OR14A2: variants seen among roughly 807,000 people sequenced by gnomAD.
OR14A2 encodes olfactory receptor family 14 subfamily A member 2.
For missense variants in OR14A2, 237 were observed against 152.9 expected, an observed-to-expected ratio of 1.55 and a Z score of -2.90; for synonymous variants, 114 against 58.6, an observed-to-expected ratio of 1.95 and a Z score of -4.32.
At chr1:247,746,047 C>T in the OR14A2 span, among the ~76,000 whole-genome samples, 1 of 152,140 alleles carries the variant, frequency 6.6e-6, no homozygotes, top group African/African-American at 2.4e-5. Flanking sequence ...ATGGTTCTTG[C>T]CCTGTCTGGA....
At chr1:247,741,733 AT>A in the OR14A2 span, among the ~76,000 whole-genome samples, 386 of 152,314 alleles carry the variant, frequency 2.5e-3, 2 homozygotes, top group African/African-American at 9.0e-3. Context: ...ATTGTCTTGA[AT>A]CTATTGGTCA....
chr1:247,742,584 A>G, the OR14A2 span, among the ~76,000 whole-genome samples: 6 of 152,248 alleles, frequency 3.9e-5, no homozygotes, highest in Non-Finnish European at 8.8e-5. Context: ...CAAATGTCTA[A>G]TACTAGCCAC....
chr1:247,725,389 G>A (rs1220015300), upstream of OR14A2, among the ~76,000 whole-genome samples: 1 of 152,006 alleles, frequency 6.6e-6, no homozygotes, highest in Non-Finnish European at 1.5e-5. Flanking sequence ...TACTTCAATG[G>A]TCAGTCTGGA....
the OR14A2 span, among the ~76,000 whole-genome samples, chr1:247,743,135 T>C: frequency 1.3e-5 from 2 of 152,200 alleles, no homozygotes; most frequent in African/African-American, 4.8e-5. Flanking sequence ...AAATACAAAT[T>C]ATTTCCAGTG....
chr1:247,726,685 A>C (rs1349121073), upstream of OR14A2, among the ~76,000 whole-genome samples: 3 of 148,238 alleles, frequency 2.0e-5, no homozygotes, highest in Non-Finnish European at 4.4e-5. Flanking sequence ...TTAGGTCTTT[A>C]ATCCATCTTG....
At chr1:247,727,009 G>A (rs1173754149), upstream of OR14A2, among the ~76,000 whole-genome samples, 2 of 150,350 alleles carry the variant, frequency 1.3e-5, no homozygotes, top group South Asian at 2.1e-4. Flanking sequence ...TTGCCTTGGC[G>A]ATGCGGGCTC....
At chr1:247,724,277 A>C (rs1329443529), upstream of OR14A2, among the ~76,000 whole-genome samples, 1 of 152,056 alleles carries the variant, frequency 6.6e-6, no homozygotes, top group Non-Finnish European at 1.5e-5. Context: ...ATTAGACTTT[A>C]TGAGTTTTAC....
exon 1 of OR14A2, chr1:247,723,111 A>G: frequency 2.8e-6 from 2 of 713,192 alleles, no homozygotes; most frequent in Non-Finnish European, 5.2e-6. Context: ...AAATGAAGTA[A>G]GCCTCCTGAC....
At chr1:247,738,854 C>T in the OR14A2 span, 1 of 780,770 alleles carries the variant, frequency 1.3e-6, no homozygotes, top group South Asian at 1.3e-5. Context: ...CCAAATCCAT[C>T]CTCAACTCTG....
At chr1:247,740,071 A>T in the OR14A2 span, among the ~76,000 whole-genome samples, 1 of 152,194 alleles carries the variant, frequency 6.6e-6, no homozygotes, top group South Asian at 2.1e-4. Context: ...AAGTTTTCCT[A>T]TGACAACTTC....
At chr1:247,741,839 A>G in the OR14A2 span, among the ~76,000 whole-genome samples, 1 of 152,114 alleles carries the variant, frequency 6.6e-6, no homozygotes, top group African/African-American at 2.4e-5. Flanking sequence ...TTCTCTCCTT[A>G]CTTTACGAAA....
At chr1:247,731,490 C>T in the OR14A2 span, among the ~76,000 whole-genome samples, 1 of 151,640 alleles carries the variant, frequency 6.6e-6, no homozygotes, top group Admixed American at 6.6e-5. Flanking sequence ...TTTTTAGCAC[C>T]TTGTACCTAC....
At chr1:247,733,178 G>A in the OR14A2 span, among the ~76,000 whole-genome samples, 39 of 152,202 alleles carry the variant, frequency 2.6e-4, no homozygotes, top group Non-Finnish European at 4.6e-4. Flanking sequence ...CGTTCCTAGT[G>A]AGCAGATCTT....
the OR14A2 span, among the ~76,000 whole-genome samples, chr1:247,743,714 G>T: frequency 6.6e-6 from 1 of 151,810 alleles, no homozygotes; most frequent in Non-Finnish European, 1.5e-5. Context: ...AAGTATTTTG[G>T]GTATGAGATC....
the OR14A2 span, among the ~76,000 whole-genome samples, chr1:247,730,454 A>C: frequency 2.1e-3 from 316 of 151,896 alleles, 3 homozygotes; most frequent in Non-Finnish European, 3.9e-3. Context: ...TTACTGTTTT[A>C]TTTCCTCTTT....
At chr1:247,738,714 C>T in the OR14A2 span, 1 of 780,822 alleles carries the variant, frequency 1.3e-6, no homozygotes, top group Non-Finnish European at 2.4e-6. Flanking sequence ...ACTGATCTAC[C>T]TCACGGCTGT....
At chr1:247,728,988 T>G (rs1660455995), upstream of OR14A2, among the ~76,000 whole-genome samples, 1 of 152,108 alleles carries the variant, frequency 6.6e-6, no homozygotes, top group Admixed American at 6.6e-5. Flanking sequence ...CAAAGAGCTC[T>G]GCAAAGCTGT....
chr1:247,736,529 A>G, the OR14A2 span, among the ~76,000 whole-genome samples: 1 of 152,200 alleles, frequency 6.6e-6, no homozygotes, highest in African/African-American at 2.4e-5. Flanking sequence ...GCTATCACTC[A>G]TTTCATATGT....
At chr1:247,729,373 A>G in the OR14A2 span, among the ~76,000 whole-genome samples, 1 of 152,084 alleles carries the variant, frequency 6.6e-6, no homozygotes, top group Non-Finnish European at 1.5e-5. Flanking sequence ...CTTATCATAG[A>G]GTTATAGGCT....
Sources: gnomAD v4.1 joint callset for allele counts (sites outside exome capture counted in the v4.1 genomes callset) on GRCh38, gnomAD v4.1.1 for gene constraint, MANE v1.5 for transcripts, NCBI Gene and HGNC (gene_info 2026-07-23, HGNC 2026-07-21) for gene names.